The following PSD3 variants were observed in gnomAD, a reference collection of about 807,000 sequenced individuals.
The protein encoded by PSD3 is pleckstrin and Sec7 domain containing 3.
PSD3 carries 49 observed loss-of-function variants against 105.5 expected under a neutral mutation model. That is an observed-to-expected ratio of 0.46 (90% CI 0.37 to 0.59). The LOEUF is 0.59. Among genes scored for constraint, PSD3 ranks in the 20% least tolerant of loss-of-function variants. The probability of loss-of-function intolerance (pLI) is 0.00; values close to 1 mark genes in which losing one functional copy is unlikely to be tolerated. For synonymous variants in PSD3, 557 were observed against 457.8 expected, an observed-to-expected ratio of 1.22 and a Z score of -2.77; for missense variants, 1,561 against 1,263.8, an observed-to-expected ratio of 1.24 and a Z score of -3.57.
chr8:18,767,216 A>G (rs918812384), intron 8 of PSD3, among the ~76,000 whole-genome samples: 1 of 152,202 alleles, frequency 6.6e-6, no homozygotes, highest in Non-Finnish European at 1.5e-5. Context: ...CTACAAAAAG[A>G]GCAAAGATAT....
chr8:18,995,633 A>C (rs1826036506), intron 1 of PSD3, among the ~76,000 whole-genome samples: 1 of 152,004 alleles, frequency 6.6e-6, no homozygotes, highest in African/African-American at 2.4e-5. Flanking sequence ...GGACTCAGTA[A>C]TTTCTAAAGG....
chr8:18,750,279 T>C (rs1054239216), intron 9 of PSD3, among the ~76,000 whole-genome samples: 5 of 152,108 alleles, frequency 3.3e-5, no homozygotes, highest in African/African-American at 4.8e-5. Context: ...CGTCTGGAGT[T>C]TGTTCCTTCT....
intron 4 of PSD3, among the ~76,000 whole-genome samples, chr8:18,847,369 T>C (rs546523697): frequency 3.2e-4 from 48 of 152,248 alleles, no homozygotes; most frequent in African/African-American, 1.1e-3. Context: ...CGTCAAGCTG[T>C]GTAGGCAGCC....
At chr8:18,989,463 A>G (rs1367585282) in intron 1 of PSD3, 1 of 152,238 alleles carries the variant, frequency 6.6e-6, no homozygotes, top group Non-Finnish European at 1.5e-5. Context: ...AAGAGCATCA[A>G]AGAAAAAAGA....
At chr8:19,025,523 T>C (rs1370971693) in intron 1 of PSD3, among the ~76,000 whole-genome samples, 1 of 152,188 alleles carries the variant, frequency 6.6e-6, no homozygotes, top group Non-Finnish European at 1.5e-5. Context: ...GTGAATTCCT[T>C]GACTTGTCCA....
chr8:18,674,996 G>A (rs140929137), intron 9 of PSD3, among the ~76,000 whole-genome samples: 102 of 151,938 alleles, frequency 6.7e-4, no homozygotes, highest in Middle Eastern at 6.8e-3. Flanking sequence ...GTGAGACCCT[G>A]TCTCCAATTT....
intron 1 of PSD3, among the ~76,000 whole-genome samples, chr8:19,008,140 G>A (rs111699729): frequency 0.11 from 17,425 of 152,212 alleles, 1,236 homozygotes; most frequent in African/African-American, 0.19. Context: ...CATGGCGCCC[G>A]GCCAAGGGAG....
chr8:18,559,136 T>C (rs918042935), intron 14 of PSD3, among the ~76,000 whole-genome samples: 4 of 152,214 alleles, frequency 2.6e-5, no homozygotes, highest in African/African-American at 4.8e-5. Flanking sequence ...AGTTTTTCTA[T>C]AGTGTGTCAC....
intron 4 of PSD3, among the ~76,000 whole-genome samples, chr8:18,847,990 A>C (rs1815238911): frequency 6.6e-6 from 1 of 152,236 alleles, no homozygotes; most frequent in Admixed American, 6.5e-5. Context: ...AGAATGTTGA[A>C]GATAAAGCAG....
At chr8:18,653,895 T>C (rs1314031260) in intron 10 of PSD3, among the ~76,000 whole-genome samples, 5 of 152,206 alleles carry the variant, frequency 3.3e-5, no homozygotes, top group African/African-American at 1.2e-4. Flanking sequence ...GCCATTTTTA[T>C]TTATTTTCTC....
chr8:18,774,338 T>C (rs1807828113), intron 8 of PSD3, among the ~76,000 whole-genome samples: 1 of 152,174 alleles, frequency 6.6e-6, no homozygotes, highest in South Asian at 2.1e-4. Context: ...AAAAGAGACA[T>C]CCATCTCCCC....
intron 4 of PSD3, among the ~76,000 whole-genome samples, chr8:18,833,387 G>A (rs187624833): frequency 4.7e-4 from 72 of 152,238 alleles, no homozygotes; most frequent in Middle Eastern, 3.4e-3. Context: ...TTTGCTTGAG[G>A]TCCATCTTGC....
chr8:18,569,435 T>C (rs1434758323), intron 14 of PSD3, among the ~76,000 whole-genome samples: 1 of 150,414 alleles, frequency 6.6e-6, no homozygotes, highest in African/African-American at 2.5e-5. Flanking sequence ...TGTAGAAAAA[T>C]CACAAGCATT....
At position 18,668,676 on chromosome 8, in the gene PSD3, ATAT is replaced by A. The variant is rs1799616519; in HGVS notation, c.2173-12994_2173-12992del. Among the ~76,000 whole-genome samples the A allele has an allele frequency of 3.3e-5, 5 of 152,304 alleles. No homozygotes were observed. In the South Asian group the frequency reaches 8.3e-4, roughly 25 times the overall value. On this transcript the variant is annotated intron_variant, in intron 9 of 15. Transcript: ENST00000327040. Reference sequence around the variant, plus strand: ...AACACAATATTGTCACCATGTAAGTATATTATTATGTGTACTGTTCACATACAC... The same window carrying A: ...AACACAATATTGTCACCATGTAAGTATATTATGTGTACTGTTCACATACAC...
intron 9 of PSD3, among the ~76,000 whole-genome samples, chr8:18,706,405 TA>T (rs985630410): frequency 1.3e-5 from 2 of 151,878 alleles, no homozygotes; most frequent in Admixed American, 1.3e-4. Flanking sequence ...ACACATTGGT[TA>T]AAAAAAAGAA....
intron 10 of PSD3, among the ~76,000 whole-genome samples, chr8:18,645,678 A>C (rs1405321673): frequency 6.6e-6 from 1 of 152,178 alleles, no homozygotes; most frequent in East Asian, 1.9e-4. Context: ...ATTTGAGTAC[A>C]GTGAAACAGA....
chr8:18,916,297 GATAT>G (rs71218908), intron 2 of PSD3, among the ~76,000 whole-genome samples: 482 of 31,022 alleles, frequency 0.016, 9 homozygotes, highest in Non-Finnish European at 0.019. Flanking sequence ...TAAAAAAAGT[GATAT>G]ATATATATAT....
At chr8:18,941,829 T>C (rs575744005) in intron 1 of PSD3, among the ~76,000 whole-genome samples, 2 of 146,252 alleles carry the variant, frequency 1.4e-5, no homozygotes, top group Admixed American at 1.4e-4. Flanking sequence ...CGCATCACCA[T>C]GCCTGGCTAA....
chr8:18,608,766 A>G (rs981364207), intron 11 of PSD3, among the ~76,000 whole-genome samples: 1 of 152,196 alleles, frequency 6.6e-6, no homozygotes, highest in African/African-American at 2.4e-5. Flanking sequence ...TTTATGCCAG[A>G]AAAGTTTTTT....
Sources: gnomAD v4.1 joint callset for allele counts (sites outside exome capture counted in the v4.1 genomes callset) on GRCh38, gnomAD v4.1.1 for gene constraint, MANE v1.5 for transcripts, NCBI Gene and HGNC (gene_info 2026-07-23, HGNC 2026-07-21) for gene names.